The following AUTS2 variants were observed in gnomAD, a reference collection of about 807,000 sequenced individuals.
AUTS2 encodes the protein activator of transcription and developmental regulator AUTS2.
AUTS2 carries 17 observed loss-of-function variants against 112.4 expected under a neutral mutation model. The ratio of observed to expected loss-of-function variants is 0.15; its 90% CI spans 0.10 to 0.23. AUTS2 has a LOEUF of 0.23. Ranked by LOEUF, AUTS2 falls within the 10% of genes least tolerant of loss-of-function variation. The pLI is 1.00. For missense variants in AUTS2, 1,510 were observed against 1,701.6 expected, an observed-to-expected ratio of 0.89 and a Z score of 1.98; for synonymous variants, 751 against 702.7, an observed-to-expected ratio of 1.07 and a Z score of -1.09.
chr7:69,603,446 CTTGA>C (rs1792542602), intron 1 of AUTS2, among the ~76,000 whole-genome samples: 1 of 152,142 alleles, frequency 6.6e-6, no homozygotes. Flanking sequence ...GCATTTTTAT[CTTGA>C]TTATTTTTTG....
At chr7:70,550,674 A>G (rs1293783482) in intron 5 of AUTS2, among the ~76,000 whole-genome samples, 1 of 152,206 alleles carries the variant, frequency 6.6e-6, no homozygotes, top group Admixed American at 6.5e-5. Flanking sequence ...GCATGTGGTA[A>G]TGGGTTAGAG....
chr7:70,613,506 T>G (rs974384462), intron 5 of AUTS2, among the ~76,000 whole-genome samples: 1 of 152,042 alleles, frequency 6.6e-6, no homozygotes, highest in Non-Finnish European at 1.5e-5. Context: ...TAAGTCTCCC[T>G]CCTCCCAGGC....
chr7:70,558,876 G>A (rs1048210448), intron 5 of AUTS2, among the ~76,000 whole-genome samples: 10 of 152,108 alleles, frequency 6.6e-5, no homozygotes, highest in African/African-American at 2.4e-4. Flanking sequence ...TGCTTTCCTT[G>A]CAAAATGTAG....
chr7:69,722,457 A>G (rs145023194), intron 1 of AUTS2, among the ~76,000 whole-genome samples: 2 of 150,946 alleles, frequency 1.3e-5, no homozygotes, highest in African/African-American at 2.4e-5. Flanking sequence ...GCTCACTGCA[A>G]CCTCCGCCTT....
At chr7:70,251,638 TC>T (rs1786607025) in intron 4 of AUTS2, among the ~76,000 whole-genome samples, 1 of 152,200 alleles carries the variant, frequency 6.6e-6, no homozygotes, top group Admixed American at 6.5e-5. Flanking sequence ...CACTGTCTCT[TC>T]CTTGACTGTC....
chr7:70,253,060 T>A (rs1335820031), intron 4 of AUTS2, among the ~76,000 whole-genome samples: 6 of 152,164 alleles, frequency 3.9e-5, no homozygotes, highest in African/African-American at 1.4e-4. Flanking sequence ...ATTTATGAAT[T>A]CCTATTTTCC....
chr7:70,083,934 G>A (rs551312664), intron 2 of AUTS2, among the ~76,000 whole-genome samples: 22 of 152,076 alleles, frequency 1.4e-4, no homozygotes, highest in African/African-American at 3.4e-4. Flanking sequence ...GTGATAGAGC[G>A]AGATTCCATC....
At chr7:69,866,420 G>GC (rs1199668275) in intron 1 of AUTS2, among the ~76,000 whole-genome samples, 4 of 152,028 alleles carry the variant, frequency 2.6e-5, no homozygotes, top group Non-Finnish European at 4.4e-5. Flanking sequence ...TTCCATGATT[G>GC]CCCCCCTGGA....
At chr7:70,269,978 G>T (rs776539200) in intron 4 of AUTS2, among the ~76,000 whole-genome samples, 1 of 152,160 alleles carries the variant, frequency 6.6e-6, no homozygotes, top group African/African-American at 2.4e-5. Context: ...GTTTGAGGCT[G>T]CAGTGGGCTA....
intron 2 of AUTS2, among the ~76,000 whole-genome samples, chr7:70,007,075 A>G (rs1563034136): frequency 6.6e-6 from 1 of 152,094 alleles, no homozygotes; most frequent in East Asian, 1.9e-4. Context: ...TTTTACACCT[A>G]TTTCTTCCAA....
At chr7:69,965,692 A>T (rs1797609198) in intron 2 of AUTS2, among the ~76,000 whole-genome samples, 1 of 152,148 alleles carries the variant, frequency 6.6e-6, no homozygotes, top group African/African-American at 2.4e-5. Context: ...GCCAGTAGGA[A>T]CAGAGCCATT....
rs111862328 is a variant in AUTS2 at position 70,457,522 on chromosome 7, C to T, written c.690+21741C>T. 4.6e-5 allele frequency among the ~76,000 whole-genome samples: 7 copies of T among 152,280 alleles called. 1 individual carries two copies. Among genetic ancestry groups the T allele is most frequent in the Admixed American group, 1.3e-4 (2 of 15,298 alleles). On this transcript the variant is annotated intron_variant, in intron 5 of 18. Transcript: ENST00000342771. Reference sequence around the variant, plus strand: ...TCACAAATCACACAGAAGCAGTGTTCATTTTTTCTGTCCACAACCAATATG... The same window carrying T: ...TCACAAATCACACAGAAGCAGTGTTTATTTTTTCTGTCCACAACCAATATG...
chr7:70,306,143 G>T (rs1356964978), intron 4 of AUTS2, among the ~76,000 whole-genome samples: 2 of 152,198 alleles, frequency 1.3e-5, no homozygotes, highest in African/African-American at 4.8e-5. Context: ...ACAAAGGAAA[G>T]ATTGGGGGTT....
chr7:70,083,335 A>G (rs778021343), intron 2 of AUTS2, among the ~76,000 whole-genome samples: 3 of 152,142 alleles, frequency 2.0e-5, no homozygotes, highest in Non-Finnish European at 4.4e-5. Flanking sequence ...AATAGTGTGT[A>G]TTTTGCAGGG....
intron 4 of AUTS2, among the ~76,000 whole-genome samples, chr7:70,164,434 A>T (rs1231918529): frequency 6.6e-6 from 1 of 152,164 alleles, no homozygotes; most frequent in African/African-American, 2.4e-5. Context: ...AGGTGCCTGT[A>T]AGACTGTGAC....
At chr7:70,380,630 G>T (rs542431953) in intron 4 of AUTS2, among the ~76,000 whole-genome samples, 1 of 152,330 alleles carries the variant, frequency 6.6e-6, no homozygotes, top group South Asian at 2.1e-4. Context: ...AGAAACTGTC[G>T]AATCCAAAGG....
intron 4 of AUTS2, among the ~76,000 whole-genome samples, chr7:70,405,288 G>C (rs1229466586): frequency 6.6e-6 from 1 of 152,190 alleles, no homozygotes; most frequent in African/African-American, 2.4e-5. Flanking sequence ...AAATTTTATA[G>C]TATTACTGGT....
chr7:69,942,742 C>G (rs1198496616), intron 2 of AUTS2, among the ~76,000 whole-genome samples: 1 of 152,180 alleles, frequency 6.6e-6, no homozygotes, highest in Non-Finnish European at 1.5e-5. Flanking sequence ...GTGATTTCTG[C>G]ATGATTTGCA....
At chr7:69,904,664 A>G (rs945357293) in intron 2 of AUTS2, among the ~76,000 whole-genome samples, 7 of 152,202 alleles carry the variant, frequency 4.6e-5, no homozygotes, top group Non-Finnish European at 1.0e-4. Flanking sequence ...CAAAATTTCA[A>G]GTTTACCATG....
Sources: allele counts gnomAD v4.1 joint callset (sites outside exome capture counted in the v4.1 genomes callset), GRCh38; gene constraint gnomAD v4.1.1; transcripts MANE v1.5; gene names NCBI Gene and HGNC (gene_info 2026-07-23, HGNC 2026-07-21).